Variants in CCDC66 observed in about 807,000 individuals in gnomAD.
CCDC66 encodes coiled-coil domain-containing protein 66.
CCDC66 carries 133 observed loss-of-function variants against 128.3 expected under a neutral mutation model. The observed-to-expected ratio is 1.04, with a 90% confidence interval of 0.90 to 1.20. The LOEUF (loss-of-function observed/expected upper bound fraction) is 1.20, where lower values mean the gene tolerates loss of function less well. CCDC66 is among the 50% of genes most tolerant of loss of function. The pLI, the probability that CCDC66 is intolerant of heterozygous loss-of-function variation, is 0.00. For synonymous variants in CCDC66, 387 were observed against 357.0 expected (o/e 1.08, Z -0.95); for missense variants, 1,126 against 1,075.5 (o/e 1.05, Z -0.66).
chr3:56,567,119 C>T (rs948854113), intron 6 of CCDC66, 66 bp downstream of exon 6: 38 of 1,229,616 alleles, frequency 3.1e-5, no homozygotes, highest in Middle Eastern at 1.9e-4. Flanking sequence ...AAGCCGGGCA[C>T]GGTGGCTCAC....
At chr3:56,606,862 C>G (rs1440706310) in intron 10 of CCDC66, among the ~76,000 whole-genome samples, 5 of 151,986 alleles carry the variant, frequency 3.3e-5, no homozygotes, top group African/African-American at 9.7e-5. Context: ...CTATATGTGG[C>G]TAGCCAATTA....
At position 56,615,441 on chromosome 3, in the gene CCDC66, G is replaced by A. The variant is rs547681479; in HGVS notation, c.1711+169G>A. On this transcript the variant is annotated intron_variant, in intron 12 of 17. Transcript: ENST00000394672. ...ATATTTTTTGTAGACATGGAATCTC[G>A]CTTTGTTGCCCAGGCTGGTCTTGCT... 193 of 645,606 alleles carry A rather than the reference G, an allele frequency of 3.0e-4. No individual in the cohort carries two copies. In the African/African-American group the frequency reaches 3.2e-3, roughly 11 times the overall value. 40.0% of individuals were successfully genotyped at this position (645,606 alleles called of 1,614,324 possible). A position where few individuals can be genotyped will look rare whatever the true frequency, so the allele number is the denominator to read the frequency against.
In CCDC66 at chr3:56,593,545, G is replaced by C. The variant is rs1003832765; in HGVS notation, c.1123G>C (p.Gly375Arg). 6.2e-7 allele frequency: 1 copy of C among 1,614,058 alleles called. No individual in the cohort carries two copies. The highest frequency in any genetic ancestry group is 1.1e-5 in the South Asian group (1 of 91,080). ...CTTTGATTCATTAAAGAGTTATCCT[G>C]GTTCTCAATCTCAGCTGTTCTCTCA... The part of the protein sequence containing the change: ...MHFDSLKSYP[G>R]SQSQLFSQST... Residue 375 changes from glycine (G) to arginine (R), a missense_variant, in exon 9 of 18, where the codon GGT (glycine) becomes CGT (arginine). Physicochemically the swap from Gly to Arg is moderately radical, Grantham distance 125. Transcript: ENST00000394672.
chr3:56,597,838 G>A (rs1368592266), intron 10 of CCDC66, among the ~76,000 whole-genome samples: 3 of 131,236 alleles, frequency 2.3e-5, no homozygotes, highest in South Asian at 5.2e-4. Context: ...GCAGTGGCGC[G>A]ATCTCATCCC....
rs942271360 is a variant in CCDC66 at position 56,584,927 on chromosome 3, C to CA, written c.937-8036dup. On this transcript the variant is annotated intron_variant, in intron 7 of 17. Coordinates refer to ENST00000394672, the MANE Select transcript of CCDC66 (RefSeq NM_001141947.3). ...CAGCATAGCGAAACCCCGTCTCCAC[C>CA]AAAAAAATATGAAAACCAGTCAGGC... Among the ~76,000 whole-genome samples, 4 of 151,826 alleles carry CA rather than the reference C, an allele frequency of 2.6e-5. 1 individual carries two copies. The highest frequency in any genetic ancestry group is 1.3e-4 in the Admixed American group (2 of 15,136).
intron 7 of CCDC66, among the ~76,000 whole-genome samples, chr3:56,577,770 T>C (rs1222974627): frequency 6.6e-6 from 1 of 151,792 alleles, no homozygotes; most frequent in Non-Finnish European, 1.5e-5. Flanking sequence ...TCTGTTCCAG[T>C]TGTCTATATA....
At chr3:56,609,983 C>T (rs911775060) in intron 10 of CCDC66, among the ~76,000 whole-genome samples, 1 of 152,202 alleles carries the variant, frequency 6.6e-6, no homozygotes, top group African/African-American at 2.4e-5. Flanking sequence ...TTACCTGGTG[C>T]TTCTGTCTCA....
In CCDC66 at chr3:56,583,908, C is replaced by T. The variant is rs1428099921; in HGVS notation, c.937-9062C>T. On this transcript the variant is annotated intron_variant, in intron 7 of 17. Coordinates refer to ENST00000394672, the MANE Select transcript of CCDC66 (RefSeq NM_001141947.3). ...GGCGCCCCCCACCTCCCGGATGGGG[C>T]GGCGGCTGGGCGGGGGCTGCCCCCC... 2.3e-4 allele frequency among the ~76,000 whole-genome samples: 20 copies of T among 86,528 alleles called. 1 individual carries two copies. The South Asian group carries it at 3.0e-3, about 13-fold the overall frequency. The allele number at this position is 86,528 out of a possible 152,430, so 56.8% of individuals were successfully genotyped here.
intron 10 of CCDC66, among the ~76,000 whole-genome samples, chr3:56,598,022 C>T (rs1245668255): frequency 8.6e-5 from 13 of 151,736 alleles, no homozygotes; most frequent in African/African-American, 1.5e-4. Context: ...GTGATCCACC[C>T]GCCTTGGCCT....
At chr3:56,559,974 G>T (rs184563908) in intron 3 of CCDC66, among the ~76,000 whole-genome samples, 1 of 152,240 alleles carries the variant, frequency 6.6e-6, no homozygotes, top group East Asian at 1.9e-4. Context: ...GAATTTAATG[G>T]ATAATGGATT....
In CCDC66 at chr3:56,619,414, C is replaced by G. The variant is rs1381313602; in HGVS notation, c.2522C>G (p.Ser841Cys). 1 of 1,613,992 alleles carries G rather than the reference C, an allele frequency of 6.2e-7. No individual in the cohort carries two copies. The highest frequency in any genetic ancestry group is 8.5e-7 in the Non-Finnish European group (1 of 1,179,936). ...CAAACAGAATTATCATCTGGGATTT[C>G]TGAATCATCCCATTTTATTCCGTAT... Reference protein sequence around the residue: ...SNQTELSSGISESSHFIPYVR... With the variant: ...SNQTELSSGICESSHFIPYVR... Residue 841 changes from serine to cysteine, a missense_variant, in exon 16 of 18, where the codon TCT (serine) becomes TGT (cysteine). Physicochemically the swap from Ser to Cys is moderately radical, Grantham distance 112 (BLOSUM62 -1). Transcript: ENST00000394672.
At chr3:56,597,912 C>G (rs572897620) in intron 10 of CCDC66, among the ~76,000 whole-genome samples, 2 of 151,016 alleles carry the variant, frequency 1.3e-5, no homozygotes, top group African/African-American at 4.9e-5. Flanking sequence ...GTAGCTGGGA[C>G]TACAGGCATG....
intron 7 of CCDC66, among the ~76,000 whole-genome samples, chr3:56,571,976 C>T (rs1013173395): frequency 7.2e-5 from 11 of 152,162 alleles, no homozygotes; most frequent in African/African-American, 2.7e-4. Context: ...CCACCTTGGC[C>T]TCCTGAGTAG....
intron 11 of CCDC66, 120 bp from the exon 12 acceptor site, chr3:56,615,008 C>G: frequency 1.1e-6 from 1 of 929,926 alleles, no homozygotes. Context: ...ACTGTTGTAC[C>G]CTTAGTGTCT....
rs556042658 is a variant in CCDC66 at position 56,571,213 on chromosome 3, G to T, written c.847G>T (p.Glu283Ter). Residue 283 changes from glutamate (E) to a stop codon, truncating the protein, a stop_gained, in exon 7 of 18, where the codon GAA (glutamate) becomes TAA (stop). Transcript: ENST00000394672. LOFTEE classifies it high-confidence loss of function. Reference protein sequence around the residue: ...EQVALKKKEKEVSEKWNDPWK... With the variant: ...EQVALKKKEK ...GGTTGCTTTAAAGAAGAAAGAAAAA[G>T]AAGTTTCTGAAAAATGGAATGATCC... 237 of 1,529,464 alleles carry T rather than the reference G, an allele frequency of 1.5e-4. 1 individual carries two copies. The South Asian group carries it at 2.6e-3, about 17-fold the overall frequency. The allele number at this position is 1,529,464 out of a possible 1,614,324, so 94.7% of individuals were successfully genotyped here.
chr3:56,616,149 C>A, intron 13 of CCDC66, 96 bp downstream of exon 13: 1 of 1,183,860 alleles, frequency 8.4e-7, no homozygotes, highest in African/African-American at 1.6e-5. Context: ...CAAAAATTAA[C>A]AAAACTTGAG....
intron 7 of CCDC66, among the ~76,000 whole-genome samples, chr3:56,574,062 T>C (rs985332562): frequency 6.6e-6 from 1 of 151,778 alleles, no homozygotes; most frequent in African/African-American, 2.4e-5. Context: ...TCATTTTTTT[T>C]ACTATTTAAA....
At chr3:56,561,827 T>C (rs1341187615) in intron 3 of CCDC66, among the ~76,000 whole-genome samples, 2 of 152,194 alleles carry the variant, frequency 1.3e-5, no homozygotes, top group Non-Finnish European at 2.9e-5. Flanking sequence ...TGCATAGTGC[T>C]TTTCTTTATT....
chr3:56,612,105 C>T (rs1349963024), intron 10 of CCDC66, among the ~76,000 whole-genome samples: 1 of 152,194 alleles, frequency 6.6e-6, no homozygotes, highest in Non-Finnish European at 1.5e-5. Flanking sequence ...GTCCTCAACT[C>T]CTATTTCCTT....
Sources: allele counts gnomAD v4.1 joint callset (sites outside exome capture counted in the v4.1 genomes callset), GRCh38; gene constraint gnomAD v4.1.1; transcripts MANE v1.5; gene names NCBI Gene and HGNC (gene_info 2026-07-23, HGNC 2026-07-21).